EFCAB13: variants seen among roughly 807,000 people sequenced by gnomAD.
EFCAB13 encodes the protein EF-hand calcium binding domain 13, also known as EF-hand calcium-binding domain-containing protein 13.
A neutral mutation model predicts 110.2 loss-of-function variants in EFCAB13; 91 were observed. That is an observed-to-expected ratio of 0.83 (90% CI 0.70 to 0.98). EFCAB13 has a LOEUF of 0.98. EFCAB13 is among the 50% of genes least tolerant of loss of function. EFCAB13 has a pLI of 0.00. For missense variants in EFCAB13, 968 were observed against 1,119.4 expected, an observed-to-expected ratio of 0.86 and a Z score of 1.93; for synonymous variants, 323 against 369.9, an observed-to-expected ratio of 0.87 and a Z score of 1.45.
At chr17:47,421,978 T>G (rs1173270365) in intron 23 of EFCAB13, among the ~76,000 whole-genome samples, 2 of 152,156 alleles carry the variant, frequency 1.3e-5, no homozygotes, top group Non-Finnish European at 1.5e-5. Context: ...CTATGTAATC[T>G]TCATATAAAA....
chr17:47,361,909 A>G (rs1236935082), intron 10 of EFCAB13, among the ~76,000 whole-genome samples: 1 of 152,118 alleles, frequency 6.6e-6, no homozygotes, highest in Non-Finnish European at 1.5e-5. Context: ...TTGATTAAAC[A>G]ATTTTGCTAT....
intron 9 of EFCAB13, among the ~76,000 whole-genome samples, chr17:47,357,852 T>G (rs1353554166): frequency 6.6e-6 from 1 of 152,152 alleles, no homozygotes; most frequent in Non-Finnish European, 1.5e-5. Context: ...CAGGACTAAC[T>G]TGCAACTTTC....
intron 3 of EFCAB13, among the ~76,000 whole-genome samples, chr17:47,327,326 G>A (rs1017794797): frequency 3.4e-4 from 52 of 151,054 alleles, no homozygotes; most frequent in African/African-American, 1.1e-3. Context: ...CACCACACTC[G>A]GCTAATTTTT....
At chr17:47,411,849 T>C (rs2065836975) in intron 21 of EFCAB13, among the ~76,000 whole-genome samples, 1 of 152,192 alleles carries the variant, frequency 6.6e-6, no homozygotes, top group South Asian at 2.1e-4. Context: ...CTCAGCACTT[T>C]GGGAGGCTGA....
At chr17:47,409,536 A>G (rs1160149797) in intron 20 of EFCAB13, 111 bp from the exon 21 acceptor site, 1 of 822,714 alleles carries the variant, frequency 1.2e-6, no homozygotes, top group African/African-American at 1.7e-5. Flanking sequence ...GTTATCAATG[A>G]TAAATGTTAG....
chr17:47,423,033 G>A (rs962857318), intron 23 of EFCAB13, among the ~76,000 whole-genome samples: 5 of 152,056 alleles, frequency 3.3e-5, no homozygotes, highest in Admixed American at 2.6e-4. Context: ...CGGAAAGGAT[G>A]GCCTTTTAAA....
In EFCAB13 at chr17:47,374,744, T is replaced by C; in HGVS notation, c.1150T>C (p.Tyr384His). 3 of 1,614,086 alleles carry C rather than the reference T, an allele frequency of 1.9e-6. No individual in the cohort carries two copies. Among genetic ancestry groups the C allele is most frequent in the Admixed American group, 1.7e-5 (1 of 60,012 alleles). ...GSSNVGVQEP[Y>H]SKNGINFKKH... Reference sequence around the variant, plus strand: ...CAGTAATGTAGGAGTCCAAGAACCATATTCAAAGAATGGCATAAACTTTAA... The same window carrying C: ...CAGTAATGTAGGAGTCCAAGAACCACATTCAAAGAATGGCATAAACTTTAA... The change falls in exon 12 of 25, where the codon TAT becomes CAT. Residue 384 changes from tyrosine to histidine, a missense_variant. Tyr to His is a moderately conservative substitution (Grantham distance 83). Coordinates refer to ENST00000331493, the MANE Select transcript of EFCAB13 (RefSeq NM_152347.5).
chr17:47,393,769 TAAAA>T (rs1346272223), intron 15 of EFCAB13, among the ~76,000 whole-genome samples: 1 of 148,116 alleles, frequency 6.8e-6, no homozygotes, highest in East Asian at 2.0e-4. Flanking sequence ...TAAAAATAAA[TAAAA>T]GTTAAAAATA....
At chr17:47,364,959 C>T (rs1427458039) in intron 10 of EFCAB13, among the ~76,000 whole-genome samples, 1 of 152,192 alleles carries the variant, frequency 6.6e-6, no homozygotes, top group Non-Finnish European at 1.5e-5. Context: ...CATTTCTCTT[C>T]CTTGAACCTT....
intron 17 of EFCAB13, 75 bp downstream of exon 17, chr17:47,396,052 A>G: frequency 7.5e-7 from 1 of 1,331,148 alleles, no homozygotes; most frequent in Non-Finnish European, 1.0e-6. Context: ...TTGTCATTGT[A>G]TCTTGTACTT....
intron 14 of EFCAB13, among the ~76,000 whole-genome samples, chr17:47,381,337 G>A (rs932554525): frequency 2.0e-5 from 3 of 152,074 alleles, no homozygotes; most frequent in Admixed American, 2.0e-4. Flanking sequence ...TCTTTTGCGT[G>A]CAGAAGTTCT....
At chr17:47,430,173 G>A (rs1025705066) in intron 24 of EFCAB13, 15 of 1,170,088 alleles carry the variant, frequency 1.3e-5, no homozygotes, top group Non-Finnish European at 1.6e-5. Context: ...ATCCCTGTGT[G>A]AGTCCACTGA....
chr17:47,388,962 C>T (rs191014611), intron 14 of EFCAB13, among the ~76,000 whole-genome samples: 16 of 151,842 alleles, frequency 1.1e-4, no homozygotes, highest in African/African-American at 3.9e-4. Context: ...AATGGTATTT[C>T]ACTGTGGTTT....
chr17:47,344,845 A>T (rs1235390804), intron 7 of EFCAB13, among the ~76,000 whole-genome samples, 171 bp from the exon 8 acceptor site: 1 of 152,170 alleles, frequency 6.6e-6, no homozygotes, highest in Non-Finnish European at 1.5e-5. Context: ...ATATCTCGAA[A>T]AGAAATAAGG....
At chr17:47,352,832 T>A (rs1326535189) in intron 9 of EFCAB13, among the ~76,000 whole-genome samples, 1 of 152,216 alleles carries the variant, frequency 6.6e-6, no homozygotes, top group Non-Finnish European at 1.5e-5. Flanking sequence ...GGTACTTTGT[T>A]TTTTGTAGCT....
intron 23 of EFCAB13, among the ~76,000 whole-genome samples, chr17:47,422,337 A>G (rs999894344): frequency 6.6e-6 from 1 of 152,194 alleles, no homozygotes; most frequent in African/African-American, 2.4e-5. Flanking sequence ...TGAGACAAGA[A>G]TGTCTACTAT....
intron 5 of EFCAB13, among the ~76,000 whole-genome samples, chr17:47,335,848 TC>T (rs1470595130): frequency 2.6e-5 from 4 of 152,116 alleles, no homozygotes; most frequent in African/African-American, 9.7e-5. Flanking sequence ...AAGTGGGAAA[TC>T]TGCCCCCATG....
chr17:47,398,144 C>T (rs1310072235), intron 17 of EFCAB13, among the ~76,000 whole-genome samples: 2 of 147,452 alleles, frequency 1.4e-5, no homozygotes, highest in East Asian at 4.4e-4. Flanking sequence ...CCAGCCACCC[C>T]GTCTGGGAGG....
chr17:47,436,339 A>G (rs1003291941), intron 24 of EFCAB13, among the ~76,000 whole-genome samples: 1 of 152,132 alleles, frequency 6.6e-6, no homozygotes, highest in South Asian at 2.1e-4. Flanking sequence ...AATAGCGTCA[A>G]AAGGGTTGGT....
Sources: gnomAD v4.1 joint callset for allele counts (sites outside exome capture counted in the v4.1 genomes callset) on GRCh38, gnomAD v4.1.1 for gene constraint, MANE v1.5 for transcripts, NCBI Gene and HGNC (gene_info 2026-07-23, HGNC 2026-07-21) for gene names.